The following TVP23C variants were observed in gnomAD, a reference collection of about 807,000 sequenced individuals.
TVP23C encodes the protein trans-golgi network vesicle protein 23 homolog C.
TVP23C carries 19 observed loss-of-function variants against 28.7 expected under a neutral mutation model. The observed-to-expected ratio is 0.66, with a 90% CI of 0.46 to 0.97. The LOEUF is 0.97. TVP23C is among the 50% of genes least tolerant of loss of function. The pLI, the probability that TVP23C is intolerant of heterozygous loss-of-function variation, is 0.00. For missense variants in TVP23C, 186 were observed against 241.3 expected (o/e 0.77, Z 1.52); for synonymous variants, 68 against 81.7 (o/e 0.83, Z 0.90).
chr17:15,526,777 T>A (rs1021834057), intron 5 of TVP23C, among the ~76,000 whole-genome samples: 4 of 152,108 alleles, frequency 2.6e-5, no homozygotes, highest in African/African-American at 9.7e-5. Flanking sequence ...AAAGGCAACA[T>A]CCTAGAAGAA....
chr17:15,559,313 T>TAAAAA (rs56346847), intron 1 of TVP23C, among the ~76,000 whole-genome samples: 1 of 105,184 alleles, frequency 9.5e-6, no homozygotes, highest in African/African-American at 3.3e-5. Context: ...GGTACAGATT[T>TAAAAA]AAAAAAAAAA....
At chr17:15,508,488 G>T (rs895348899) in intron 5 of TVP23C, among the ~76,000 whole-genome samples, 1 of 152,136 alleles carries the variant, frequency 6.6e-6, no homozygotes, top group East Asian at 1.9e-4. Context: ...CACACACCCT[G>T]CTCCCACCTG....
intron 3 of TVP23C, among the ~76,000 whole-genome samples, chr17:15,551,265 A>AT (rs1258749974): frequency 0.32 from 36,390 of 115,282 alleles, 6,093 homozygotes; most frequent in East Asian, 0.54. Flanking sequence ...TGCCCGGCTC[A>AT]TTTTTTTTTT....
rs138398916 is a variant in TVP23C, at chr17:15,560,914, C to T, written c.12+2523G>A. Among the ~76,000 whole-genome samples, 65 of 150,542 alleles carry T rather than the reference C, an allele frequency of 4.3e-4. 1 individual carries two copies. The highest frequency in any genetic ancestry group is 3.5e-3 in the Middle Eastern group (1 of 286). ...ACGTTTATATGTTGATGTGAGCAAA[C>T]GTTTAAAAGGATTAAAAAACTGATG... On this transcript the variant is annotated intron_variant, in intron 1 of 5. Transcript: ENST00000518321.
At chr17:15,552,215 T>C (rs1983923638) in intron 3 of TVP23C, among the ~76,000 whole-genome samples, 1 of 152,218 alleles carries the variant, frequency 6.6e-6, no homozygotes, top group African/African-American at 2.4e-5. Flanking sequence ...GAGCAGTATG[T>C]ACTAAATACT....
At chr17:15,558,775 A>C (rs1984246045) in intron 1 of TVP23C, among the ~76,000 whole-genome samples, 1 of 148,676 alleles carries the variant, frequency 6.7e-6, no homozygotes, top group Non-Finnish European at 1.5e-5. Flanking sequence ...TGGACTTCTG[A>C]CCACCAGAAC....
chr17:15,530,193 C>T (rs1982896516), intron 5 of TVP23C, among the ~76,000 whole-genome samples: 1 of 152,146 alleles, frequency 6.6e-6, no homozygotes, highest in African/African-American at 2.4e-5. Flanking sequence ...TGCTCTTTTC[C>T]TTTTATGCAT....
downstream of TVP23C, among the ~76,000 whole-genome samples, chr17:15,536,019 C>T (rs1027866853): frequency 6.6e-6 from 1 of 152,056 alleles, no homozygotes; most frequent in Non-Finnish European, 1.5e-5. Flanking sequence ...TGGTGAAATC[C>T]CGTCTCTACT....
Position 15,538,117 on chromosome 17 carries a change from C to T in TVP23C, c.*2295G>A, listed in dbSNP as rs767544805. 1 of 1,613,688 alleles carries T rather than the reference C, an allele frequency of 6.2e-7. No individual in the cohort carries two copies. Among genetic ancestry groups the T allele is most frequent in the Non-Finnish European group, 8.5e-7 (1 of 1,179,836 alleles). On this transcript the variant is annotated 3_prime_UTR_variant, in exon 6 of 6. Coordinates refer to ENST00000518321, the MANE Select transcript of TVP23C (RefSeq NM_001135036.2). Reference sequence around the variant, plus strand: ...TCCCCAATGTAACAAAGCACATAAGCTTTCTCTATTCAGGAAGTCTGATCA... The same window carrying T: ...TCCCCAATGTAACAAAGCACATAAGTTTTCTCTATTCAGGAAGTCTGATCA...
chr17:15,541,026 G>C (rs1983389331), intron 5 of TVP23C, among the ~76,000 whole-genome samples: 1 of 152,194 alleles, frequency 6.6e-6, no homozygotes. Context: ...CGTGACAACT[G>C]GCTTCTGGTA....
Position 15,504,092 on chromosome 17 carries a change from C to G in TVP23C, c.463-860G>C, listed in dbSNP as rs556251404. Among the ~76,000 whole-genome samples, 8 of 152,302 alleles carry G rather than the reference C, an allele frequency of 5.3e-5. No homozygotes were observed. In the East Asian group the frequency reaches 1.3e-3, roughly 26 times the overall value. ...CCCCACATTTTCCCCTGAACATGGT[C>G]CTGTCCACCAAATCAGGCCTGAGGA... On this transcript the variant is annotated intron_variant, in intron 5 of 5. Coordinates refer to the TVP23C transcript ENST00000225576.
chr17:15,529,985 G>T (rs184451486), intron 5 of TVP23C, among the ~76,000 whole-genome samples: 97 of 152,240 alleles, frequency 6.4e-4, no homozygotes, highest in African/African-American at 2.3e-3. Flanking sequence ...TTTTAGCAGA[G>T]ATGGGGTTTC....
intron 5 of TVP23C, among the ~76,000 whole-genome samples, chr17:15,521,788 A>G (rs1430358982): frequency 2.6e-5 from 4 of 152,254 alleles, no homozygotes; most frequent in African/African-American, 9.6e-5. Context: ...TCAGTAAGAT[A>G]TAACGACAAA....
Position 15,538,279 on chromosome 17 carries a change from G to A in TVP23C, c.*2133C>T. ...GCAGAGCATTACCTTACATACAATG[G>A]CCCAATCACATTAAAAAGTAGACAT... On this transcript the variant is annotated 3_prime_UTR_variant, in exon 6 of 6. Transcript: ENST00000518321. 2.0e-6 allele frequency: 3 copies of A among 1,482,548 alleles called. No individual in the cohort carries two copies. Among genetic ancestry groups the A allele is most frequent in the Non-Finnish European group, 2.7e-6 (3 of 1,117,518 alleles). The allele number at this position is 1,482,548 out of a possible 1,614,324, so 91.8% of individuals were successfully genotyped here.
exon 6 of TVP23C, chr17:15,503,209 C>G (rs1452152516): frequency 1.9e-6 from 3 of 1,550,040 alleles, no homozygotes; most frequent in Admixed American, 4.1e-5. Context: ...TCAGACCAGT[C>G]TGGGCAATGT....
chr17:15,519,365 G>A (rs1241780517), intron 5 of TVP23C, among the ~76,000 whole-genome samples: 1 of 152,002 alleles, frequency 6.6e-6, no homozygotes, highest in East Asian at 1.9e-4. Context: ...CCAGAGCTTT[G>A]GAAGGGTGAG....
rs548925937 is a variant in TVP23C at position 15,518,202 on chromosome 17, C to T, written c.463-14970G>A. ...AAAAAAAAAAAAAGAATGTTCACAG[C>T]CTGTCACAGAGAACCCAATAGGCAC... On this transcript the variant is annotated intron_variant, in intron 5 of 5. Coordinates refer to the TVP23C transcript ENST00000225576. Among the ~76,000 whole-genome samples, 22 of 151,110 alleles carry T rather than the reference C, an allele frequency of 1.5e-4. No individual in the cohort carries two copies. In the South Asian group the frequency reaches 4.4e-3, roughly 30 times the overall value.
intron 5 of TVP23C, among the ~76,000 whole-genome samples, chr17:15,523,005 G>C (rs566544271): frequency 9.2e-5 from 14 of 152,008 alleles, no homozygotes; most frequent in African/African-American, 3.4e-4. Context: ...TGAAGTTATA[G>C]AGCAGAATTT....
intron 5 of TVP23C, among the ~76,000 whole-genome samples, chr17:15,513,287 G>A (rs1385870605): frequency 2.0e-5 from 3 of 152,202 alleles, no homozygotes; most frequent in Admixed American, 2.0e-4. Context: ...GGCTTACTGA[G>A]TCAGCAATCT....
Sources: allele counts gnomAD v4.1 joint callset (sites outside exome capture counted in the v4.1 genomes callset), GRCh38; gene constraint gnomAD v4.1.1; transcripts MANE v1.5; gene names NCBI Gene and HGNC (gene_info 2026-07-23, HGNC 2026-07-21).